CHD3: variants seen among roughly 807,000 people sequenced by gnomAD.
CHD3 encodes the protein chromodomain helicase DNA binding protein 3.
CHD3 carries 52 observed loss-of-function variants against 248.9 expected under a neutral mutation model. That is an observed-to-expected ratio of 0.21 (90% CI 0.17 to 0.26). The LOEUF (loss-of-function observed/expected upper bound fraction) is 0.26, where lower values mean the gene tolerates loss of function less well. CHD3 is among the 10% of genes least tolerant of loss of function. CHD3 has a pLI of 1.00. For synonymous variants in CHD3, 985 were observed against 985.2 expected, an observed-to-expected ratio of 1.00 and a Z score of 0.00; for missense variants, 1,482 against 2,605.8, an observed-to-expected ratio of 0.57 and a Z score of 9.39.
At position 7,897,457 on chromosome 17, in the gene CHD3, G is replaced by T. The variant is rs571695525; in HGVS notation, c.1919+163G>T. Reference sequence around the variant, plus strand: ...CTGGCCTTGTTTCCTCCAGGGGAACGGGAGAAAACAGGAGGAAAATCCGGC... The same window carrying T: ...CTGGCCTTGTTTCCTCCAGGGGAACTGGAGAAAACAGGAGGAAAATCCGGC... On this transcript the variant is annotated intron_variant, in intron 11 of 39. Transcript: ENST00000330494. The surrounding 1 kb of genome is among the most constrained non-coding windows in gnomAD (Gnocchi z 4.8). Among the ~76,000 whole-genome samples, 1 of 152,186 alleles carries T rather than the reference G, an allele frequency of 6.6e-6. No individual in the cohort carries two copies. The highest frequency in any genetic ancestry group is 2.4e-5 in the African/African-American group (1 of 41,418).
At chr17:7,898,981 C>T (rs777721188) in intron 13 of CHD3, 30 bp from the exon 14 acceptor site, 1 of 1,604,666 alleles carries the variant, frequency 6.2e-7, no homozygotes, top group East Asian at 2.2e-5. Context: ...CGACTATTTC[C>T]TTGAGCTTTC....
chr17:7,888,734 G>C, upstream of CHD3: 1 of 1,098,862 alleles, frequency 9.1e-7, no homozygotes, highest in Admixed American at 3.8e-5. Flanking sequence ...GTGGGTGCGC[G>C]CGTGCGCGCG....
upstream of CHD3, chr17:7,884,902 G>A (rs774221249): frequency 1.2e-4 from 175 of 1,408,528 alleles, 2 homozygotes; most frequent in South Asian, 2.4e-3. Flanking sequence ...ACGAGGAGGA[G>A]GAGGAGGAGG....
chr17:7,898,646 G>A (rs1390427961), intron 13 of CHD3, 51 bp downstream of exon 13: 2 of 1,413,448 alleles, frequency 1.4e-6, no homozygotes, highest in Non-Finnish European at 9.9e-7. Flanking sequence ...GGTGATCGAA[G>A]ATTTTCCAAG....
At chr17:7,891,393 T>G (rs745385380) in intron 4 of CHD3, among the ~76,000 whole-genome samples, 5 of 152,168 alleles carry the variant, frequency 3.3e-5, no homozygotes, top group Admixed American at 6.5e-5. Context: ...GCTCTGTGAC[T>G]TCTCTCTAGA....
chr17:7,910,746 C>T lies in CHD3; in HGVS notation c.5755-101C>T. The T allele has an allele frequency of 6.6e-7, 1 of 1,522,120 alleles. No homozygotes were observed. The highest frequency in any genetic ancestry group is 2.1e-5 in the Admixed American group (1 of 47,838). The allele number at this position is 1,522,120 out of a possible 1,614,324, so 94.3% of individuals were successfully genotyped here. On this transcript the variant is annotated intron_variant, in intron 38 of 39. Transcript: ENST00000330494. The surrounding 1 kb of genome is among the most constrained non-coding windows in gnomAD (Gnocchi z 4.7). ...GAGTCTCCCTGCCTGTGTATCCTAC[C>T]CTTAGCAGTTGTGGAGTGTGGCTCA...
At chr17:7,896,355 C>T (rs1334420588) in intron 10 of CHD3, among the ~76,000 whole-genome samples, 6 of 151,664 alleles carry the variant, frequency 4.0e-5, no homozygotes, top group South Asian at 2.1e-4. Flanking sequence ...ATTTATTCTC[C>T]GTCTTGGCTT....
chr17:7,884,960 C>A (rs1279983197), upstream of CHD3: 6 of 1,332,006 alleles, frequency 4.5e-6, no homozygotes, highest in African/African-American at 1.5e-5. Context: ...CGAGGGAGTA[C>A]TCGGGCGCGG....
Position 7,900,582 on chromosome 17 carries a change from G to T in CHD3, c.2829G>T (p.Glu943Asp). Residue 943 changes from glutamate to aspartate, a missense_variant, in exon 18 of 40, where the codon GAG becomes GAT. By Grantham distance (45) the Glu-to-Asp change is conservative (BLOSUM62 2). Transcript: ENST00000330494. This position sits in a 1 kb window ranked among gnomAD's most constrained non-coding sequence, Gnocchi z 6.5. ...GCAACTTGGAGGGCTTCCTGGAGGA[G>T]TTTGCTGACATATCCAAAGAGGACC... is the stretch of plus-strand genomic sequence containing the variant. ...RFNNLEGFLE[E>D]FADISKEDQI... The T allele has an allele frequency of 6.2e-7, 1 of 1,613,902 alleles. No individual in the cohort carries two copies. Among genetic ancestry groups the T allele is most frequent in the Non-Finnish European group, 8.5e-7 (1 of 1,179,836 alleles).
Position 7,889,243 on chromosome 17 carries a change from CT to C in CHD3, c.100+144del. On this transcript the variant is annotated intron_variant, in intron 1 of 39. Coordinates refer to ENST00000330494, the MANE Select transcript of CHD3 (RefSeq NM_001005273.3). The surrounding 1 kb of genome is among the most constrained non-coding windows in gnomAD (Gnocchi z 4.5). ...GGCTTAGGGAGCTGCCAGCTTGTGT[CT>C]CCCCACTCCAAGTGCTGGGGTCAGG... is the stretch of plus-strand genomic sequence containing the variant. 5 of 1,035,082 alleles carry C rather than the reference CT, an allele frequency of 4.8e-6. No homozygotes were observed. The highest frequency in any genetic ancestry group is 5.0e-5 in the Admixed American group (2 of 39,692). The allele number at this position is 1,035,082 out of a possible 1,614,324, so 64.1% of individuals were successfully genotyped here.
chr17:7,909,075 C>A lies in CHD3; in HGVS notation c.5395-68C>A. On this transcript the variant is annotated intron_variant, in intron 36 of 39. Coordinates refer to ENST00000330494, the MANE Select transcript of CHD3 (RefSeq NM_001005273.3). The surrounding 1 kb of genome is among the most constrained non-coding windows in gnomAD (Gnocchi z 8.1). ...GGGCAGGGTGGGTCTCTTGCTATGT[C>A]CGCCCCCCCAGCCCCTCACCCACTG... The A allele has an allele frequency of 6.5e-7, 1 of 1,539,204 alleles. No homozygotes were observed. The highest frequency in any genetic ancestry group is 2.0e-5 in the Admixed American group (1 of 50,672).
In CHD3 at chr17:7,904,513, G is replaced by A; in HGVS notation, c.3966G>A (p.Leu1322=). 2 of 1,614,118 alleles carry A rather than the reference G, an allele frequency of 1.2e-6. No homozygotes were observed. Among genetic ancestry groups the A allele is most frequent in the South Asian group, 1.1e-5 (1 of 91,082 alleles). Residue 1322 remains leucine (L), a synonymous_variant, in exon 25 of 40, where the codon CTG becomes CTA. Coordinates refer to ENST00000330494, the MANE Select transcript of CHD3 (RefSeq NM_001005273.3). The surrounding 1 kb of genome is among the most constrained non-coding windows in gnomAD (Gnocchi z 4.4). ...NVDPDYWEKL[L]RHHYEQQQED... is the part of the protein sequence containing the mutation. ...ACCCTGACTACTGGGAGAAGCTGCT[G>A]AGGCATCACTATGAGCAACAGCAGG... is the stretch of plus-strand genomic sequence containing the variant.
rs1971226358 is a variant in CHD3, at chr17:7,908,126, TC to T, written c.5152+109del. On this transcript the variant is annotated intron_variant, in intron 34 of 39. Coordinates refer to ENST00000330494, the MANE Select transcript of CHD3 (RefSeq NM_001005273.3). This position sits in a 1 kb window ranked among gnomAD's most constrained non-coding sequence, Gnocchi z 5.8. ...CTGCTACCTTTAATTCCAAGTAACT[TC>T]CAATGAAGTATGTTGCATGCTGACT... is the stretch of plus-strand genomic sequence containing the variant. 1 of 1,341,920 alleles carries T rather than the reference TC, an allele frequency of 7.5e-7. No homozygotes were observed. Among genetic ancestry groups the T allele is most frequent in the African/African-American group, 1.5e-5 (1 of 68,384 alleles). 83.1% of individuals were successfully genotyped at this position (1,341,920 alleles called of 1,614,324 possible).
chr17:7,910,983 T>C lies in CHD3; in HGVS notation c.5881+10T>C. ...GGGTCCTTCATCACAGGTCAGCTGG[T>C]GTTTTCCTACCCCCTGCTACTCACA... On this transcript the variant is annotated intron_variant, in intron 39 of 39. Coordinates refer to ENST00000330494, the MANE Select transcript of CHD3 (RefSeq NM_001005273.3). The surrounding 1 kb of genome is among the most constrained non-coding windows in gnomAD (Gnocchi z 4.7). 1 of 1,611,888 alleles carries C rather than the reference T, an allele frequency of 6.2e-7. No homozygotes were observed. Among genetic ancestry groups the C allele is most frequent in the East Asian group, 2.2e-5 (1 of 44,866 alleles).
Position 7,912,244 on chromosome 17 carries a change from C to G in CHD3, c.*659C>G. The G allele has an allele frequency of 6.1e-6, 1 of 164,462 alleles. No homozygotes were observed. The highest frequency in any genetic ancestry group is 1.3e-5 in the Non-Finnish European group (1 of 76,762). The allele number at this position is 164,462 out of a possible 1,614,324, so 10.2% of individuals were successfully genotyped here. On this transcript the variant is annotated 3_prime_UTR_variant, in exon 40 of 40. Coordinates refer to ENST00000330494, the MANE Select transcript of CHD3 (RefSeq NM_001005273.3). Reference sequence around the variant, plus strand: ...GCATCTTGTGTTGGGAATGTTCCCCCCTCCCTAGGGACCAAGGACCACCCC... The same window carrying G: ...GCATCTTGTGTTGGGAATGTTCCCCGCTCCCTAGGGACCAAGGACCACCCC...
chr17:7,900,824 T>C lies in CHD3; in HGVS notation c.2979-28T>C. ...CATAATTGCTTCCTTTATTTATGTT[T>C]CTTTTACACCCCTTTCCTGGCCTTT... On this transcript the variant is annotated intron_variant, in intron 18 of 39. Transcript: ENST00000330494. The surrounding 1 kb of genome is among the most constrained non-coding windows in gnomAD (Gnocchi z 6.5). The C allele has an allele frequency of 6.2e-7, 1 of 1,612,186 alleles. No homozygotes were observed. The highest frequency in any genetic ancestry group is 8.5e-7 in the Non-Finnish European group (1 of 1,178,722).
Position 7,911,792 on chromosome 17 carries a change from T to C in CHD3, c.*207T>C. On this transcript the variant is annotated 3_prime_UTR_variant, in exon 40 of 40. Transcript: ENST00000330494. This position sits in a 1 kb window ranked among gnomAD's most constrained non-coding sequence, Gnocchi z 5.4. Reference sequence around the variant, plus strand: ...CCCACACACCTTTCCCACCAAGCCTTGAAGACTGTGCTGGTGAGAAGAAGT... The same window carrying C: ...CCCACACACCTTTCCCACCAAGCCTCGAAGACTGTGCTGGTGAGAAGAAGT... The C allele has an allele frequency of 2.8e-6, 4 of 1,454,130 alleles. No homozygotes were observed. The highest frequency in any genetic ancestry group is 2.8e-6 in the Non-Finnish European group (3 of 1,084,876). 90.1% of individuals were successfully genotyped at this position (1,454,130 alleles called of 1,614,324 possible).
Position 7,905,687 on chromosome 17 carries a change from G to A in CHD3, c.4205G>A (p.Arg1402Gln), listed in dbSNP as rs1405378133. 1 of 1,611,734 alleles carries A rather than the reference G, an allele frequency of 6.2e-7. No individual in the cohort carries two copies. Among genetic ancestry groups the A allele is most frequent in the Non-Finnish European group, 8.5e-7 (1 of 1,178,666 alleles). The stretch of plus-strand genomic sequence containing the variant: ...AAGCCACTGCCTCCACTGCTGGCCC[G>A]AGTCGGGGGCAACATTGAGGTGAGA... ...KDKPLPPLLA[R>Q]VGGNIEVLGF... The change falls in exon 27 of 40, where the codon CGA (arginine) becomes CAA (glutamine). Residue 1402 changes from arginine to glutamine, a missense_variant. Physicochemically the swap from Arg to Gln is conservative, Grantham distance 43. This residue lies in a region of CHD3 where 156 missense variants were observed against 420.3 expected (regional missense o/e 0.37). Transcript: ENST00000330494. The surrounding 1 kb of genome is among the most constrained non-coding windows in gnomAD (Gnocchi z 5.8).
chr17:7,910,857 C>T lies in CHD3; in HGVS notation c.5765C>T (p.Pro1922Leu), dbSNP rs201169642. Residue 1922 changes from proline (P) to leucine (L), a missense_variant, in exon 39 of 40, where the codon CCG (proline) becomes CTG (leucine). Around this residue, in one of 20 missense-constraint regions of CHD3, gnomAD observed 117 missense variants for 137.2 expected, o/e 0.85. Coordinates refer to ENST00000330494, the MANE Select transcript of CHD3 (RefSeq NM_001005273.3). The surrounding 1 kb of genome is among the most constrained non-coding windows in gnomAD (Gnocchi z 4.7). ...TEPHPTPAYP[P>L]GPYATPPGYG... ...TCCTCTCTGTTCCAGGCCTACCCGCCGGGTCCCTACGCTACACCTCCGGGG... is the reference window on the plus strand; with the variant it reads ...TCCTCTCTGTTCCAGGCCTACCCGCTGGGTCCCTACGCTACACCTCCGGGG... The T allele has an allele frequency of 3.1e-5, 49 of 1,602,538 alleles. 1 individual carries two copies. The highest frequency in any genetic ancestry group is 1.1e-4 in the East Asian group (5 of 44,792).
Sources: allele counts gnomAD v4.1 joint callset (sites outside exome capture counted in the v4.1 genomes callset), GRCh38; gene constraint gnomAD v4.1.1; regional missense constraint gnomAD v4.1.1; non-coding constraint Gnocchi (gnomAD v3.1); transcripts MANE v1.5; gene names NCBI Gene and HGNC (gene_info 2026-07-23, HGNC 2026-07-21).